Variants in KMT2C observed in about 807,000 individuals in gnomAD.
KMT2C encodes histone-lysine N-methyltransferase 2C.
Under a neutral mutation model 507.9 loss-of-function variants are expected in KMT2C, and 88 were observed. That is an observed-to-expected ratio of 0.17 (90% CI 0.15 to 0.21). The LOEUF (loss-of-function observed/expected upper bound fraction) is 0.21, where lower values mean the gene tolerates loss of function less well. Among genes scored for constraint, KMT2C ranks in the 10% least tolerant of loss-of-function variants. The pLI, the probability that KMT2C is intolerant of heterozygous loss-of-function variation, is 1.00. For synonymous variants in KMT2C, 2,049 were observed against 2,080.8 expected, an observed-to-expected ratio of 0.98 and a Z score of 0.42; for missense variants, 4,954 against 5,957.8, an observed-to-expected ratio of 0.83 and a Z score of 5.55.
intron 1 of KMT2C, chr7:152,367,370 G>A: frequency 1.4e-6 from 1 of 721,916 alleles, no homozygotes; most frequent in East Asian, 2.7e-5. Context: ...CACCTACCAG[G>A]GGCACCCCCG....
intron 6 of KMT2C, among the ~76,000 whole-genome samples, chr7:152,274,082 AAAGTT>A (rs1194455398): frequency 6.6e-6 from 1 of 152,188 alleles, no homozygotes; most frequent in African/African-American, 2.4e-5. Context: ...TTCAAATTAG[AAAGTT>A]AGAATTTCAT....
Position 152,181,068 on chromosome 7 carries a change from C to T in KMT2C, c.6792G>A (p.Pro2264=), listed in dbSNP as rs143820259. ...AQNRGPALPG[P]LVRPPDTCSQ... ...AACATGTATCAGGTGGCCTTACCAA[C>T]GGGCCAGGTAAAGCTGGTCCTCGGT... The change falls in exon 36 of 59, where the codon CCG becomes CCA. Residue 2264 remains proline (P), a synonymous_variant. Coordinates refer to ENST00000262189, the MANE Select transcript of KMT2C (RefSeq NM_170606.3). The T allele has an allele frequency of 3.0e-4, 485 of 1,614,154 alleles. 3 individuals carry two copies. Among genetic ancestry groups the T allele is most frequent in the African/African-American group, 2.8e-4 (21 of 75,040 alleles).
At chr7:152,208,276 G>T (rs1444879103) in intron 23 of KMT2C, among the ~76,000 whole-genome samples, 2 of 152,120 alleles carry the variant, frequency 1.3e-5, no homozygotes. Flanking sequence ...TTCTTTGAAT[G>T]TATCAAGCTC....
chr7:152,250,064 T>C, intron 12 of KMT2C, 111 bp from the exon 13 acceptor site: 2 of 647,306 alleles, frequency 3.1e-6, no homozygotes, highest in Non-Finnish European at 5.5e-6. Context: ...CAATTTCCAA[T>C]ATAAGCATGA....
chr7:152,391,232 T>G (rs2097494426), intron 1 of KMT2C, among the ~76,000 whole-genome samples: 2 of 147,132 alleles, frequency 1.4e-5, no homozygotes, highest in Non-Finnish European at 3.0e-5. Flanking sequence ...TTGTCGTTGT[T>G]TGTTTTTTGT....
chr7:152,182,189 G>T lies in KMT2C; in HGVS notation c.5671C>A (p.Pro1891Thr). 1 of 1,614,188 alleles carries T rather than the reference G, an allele frequency of 6.2e-7. No homozygotes were observed. Among genetic ancestry groups the T allele is most frequent in the African/African-American group, 1.3e-5 (1 of 75,032 alleles). Reference protein sequence around the residue: ...VFSPGSSNSRPPSPMDPYAKM... With the variant: ...VFSPGSSNSRTPSPMDPYAKM... The stretch of plus-strand genomic sequence containing the variant: ...GCATATGGATCCATTGGAGATGGTG[G>T]TCGTGAGTTAGAGGACCCAGGTGAA... The change falls in exon 36 of 59, where the codon CCA (proline) becomes ACA (threonine). Residue 1891 changes from proline to threonine, a missense_variant. Transcript: ENST00000262189.
Position 152,206,535 on chromosome 7 carries a change from T to C in KMT2C, c.3841+765A>G, listed in dbSNP as rs369424463. Among the ~76,000 whole-genome samples the C allele has an allele frequency of 4.1e-4, 63 of 152,232 alleles. 1 individual carries two copies. The highest frequency in any genetic ancestry group is 1.5e-3 in the African/African-American group (61 of 41,556). ...TATCAAAAGGGATTTAGATCACTCTTACCAATAAAATATAAGCAATAAGAA... is the reference window on the plus strand; with the variant it reads ...TATCAAAAGGGATTTAGATCACTCTCACCAATAAAATATAAGCAATAAGAA... On this transcript the variant is annotated intron_variant, in intron 24 of 58. Transcript: ENST00000262189.
chr7:152,250,805 T>C (rs572015839), intron 12 of KMT2C, 48 bp downstream of exon 12: 11 of 980,956 alleles, frequency 1.1e-5, no homozygotes, highest in African/African-American at 1.6e-5. Context: ...ATTTATTGTA[T>C]ATACACATTT....
At chr7:152,163,953 G>A (rs1445757550) in intron 42 of KMT2C, 127 bp from the exon 43 acceptor site, 1 of 819,540 alleles carries the variant, frequency 1.2e-6, no homozygotes, top group African/African-American at 1.7e-5. Context: ...AACATATTTT[G>A]CTTGGGTAAC....
intron 1 of KMT2C, chr7:152,367,051 CTT>C: frequency 1.5e-6 from 1 of 661,346 alleles, no homozygotes; most frequent in Non-Finnish European, 2.6e-6. Flanking sequence ...ACAGGTCTTT[CTT>C]GAAGAAATCT....
intron 39 of KMT2C, among the ~76,000 whole-genome samples, chr7:152,171,683 T>C (rs1317648804): frequency 1.3e-5 from 2 of 152,336 alleles, no homozygotes; most frequent in East Asian, 3.9e-4. Context: ...TCACTCCACT[T>C]TACGATAAAA....
At chr7:152,290,475 G>A (rs374647666) in intron 6 of KMT2C, among the ~76,000 whole-genome samples, 2 of 149,794 alleles carry the variant, frequency 1.3e-5, no homozygotes, top group African/African-American at 2.5e-5. Context: ...ATGCCCGGCT[G>A]ATTTTTGTAT....
At chr7:152,337,468 T>A (rs1265832820) in intron 2 of KMT2C, among the ~76,000 whole-genome samples, 1 of 152,156 alleles carries the variant, frequency 6.6e-6, no homozygotes, top group Non-Finnish European at 1.5e-5. Context: ...CTTTTCCACC[T>A]CCAATGACTC....
intron 1 of KMT2C, among the ~76,000 whole-genome samples, chr7:152,417,146 A>T (rs144366935): frequency 2.5e-3 from 376 of 152,182 alleles, no homozygotes; most frequent in Middle Eastern, 6.8e-3. Flanking sequence ...AAAAAATTTT[A>T]AAAAGTTCGT....
At chr7:152,418,310 A>T (rs1469806635) in intron 1 of KMT2C, among the ~76,000 whole-genome samples, 1 of 152,188 alleles carries the variant, frequency 6.6e-6, no homozygotes, top group Non-Finnish European at 1.5e-5. Context: ...AAAATATGAA[A>T]AAGGCTTTAT....
intron 1 of KMT2C, among the ~76,000 whole-genome samples, chr7:152,434,175 C>T (rs1291919275): frequency 2.0e-5 from 3 of 152,318 alleles, no homozygotes; most frequent in East Asian, 3.9e-4. Context: ...GCATTTTATA[C>T]TTGCCACTGT....
chr7:152,234,242 C>A (rs534091255), intron 16 of KMT2C, among the ~76,000 whole-genome samples: 1 of 151,978 alleles, frequency 6.6e-6, no homozygotes, highest in Non-Finnish European at 1.5e-5. Flanking sequence ...ATTAGCCAGG[C>A]GTGGTGGCAG....
At chr7:152,232,895 T>C (rs1011644773) in intron 16 of KMT2C, among the ~76,000 whole-genome samples, 2 of 152,168 alleles carry the variant, frequency 1.3e-5, no homozygotes, top group African/African-American at 2.4e-5. Flanking sequence ...AAAGTATCTA[T>C]TTCTACCTCC....
chr7:152,371,150 T>A (rs1482655052), intron 1 of KMT2C, among the ~76,000 whole-genome samples: 1 of 152,220 alleles, frequency 6.6e-6, no homozygotes, highest in Non-Finnish European at 1.5e-5. Flanking sequence ...TTAAGTCTAG[T>A]ATAAATGTAA....
Sources: allele counts gnomAD v4.1 joint callset (sites outside exome capture counted in the v4.1 genomes callset), GRCh38; gene constraint gnomAD v4.1.1; transcripts MANE v1.5; gene names NCBI Gene and HGNC (gene_info 2026-07-23, HGNC 2026-07-21).